The following PTPRJ variants were observed in gnomAD, a reference collection of about 807,000 sequenced individuals.
PTPRJ encodes the protein protein tyrosine phosphatase receptor type J.
In PTPRJ, 129 loss-of-function variants were observed where a neutral mutation model predicts 141.3. The ratio of observed to expected loss-of-function variants is 0.91; its 90% CI spans 0.79 to 1.06. The LOEUF is 1.06. PTPRJ is among the 50% of genes least tolerant of loss of function. PTPRJ has a pLI of 0.00. For synonymous variants in PTPRJ, 610 were observed against 640.5 expected (o/e 0.95, Z 0.72); for missense variants, 1,601 against 1,679.7 (o/e 0.95, Z 0.82).
At chr11:48,154,182 G>A (rs1857549395) in intron 19 of PTPRJ, among the ~76,000 whole-genome samples, 2 of 152,218 alleles carry the variant, frequency 1.3e-5, no homozygotes, top group African/African-American at 2.4e-5. Flanking sequence ...AGGTAGTGAC[G>A]GGAAAACTCG....
intron 14 of PTPRJ, among the ~76,000 whole-genome samples, chr11:48,146,239 C>T (rs1467733320): frequency 6.6e-6 from 1 of 152,142 alleles, no homozygotes; most frequent in Non-Finnish European, 1.5e-5. Context: ...GTCTTGGACC[C>T]TTGTTAAGTG....
At chr11:48,067,937 A>T (rs1477888365) in intron 1 of PTPRJ, among the ~76,000 whole-genome samples, 1 of 152,240 alleles carries the variant, frequency 6.6e-6, no homozygotes, top group Non-Finnish European at 1.5e-5. Flanking sequence ...CCCATGTCTC[A>T]ATAGGCCCCG....
At position 48,064,812 on chromosome 11, in the gene PTPRJ, G is replaced by T. The variant is rs895561894; in HGVS notation, c.97-45246G>T. 2.6e-5 allele frequency among the ~76,000 whole-genome samples: 4 copies of T among 151,822 alleles called. No individual in the cohort carries two copies. In the South Asian group the frequency reaches 6.2e-4, roughly 24 times the overall value. On this transcript the variant is annotated intron_variant, in intron 1 of 24. Transcript: ENST00000418331. ...ATTTTTGTATTTTTAGTAGAGACAG[G>T]GTTTTGCCATGTTGGTCAGGATGGT...
At chr11:48,030,927 A>G (rs558677910) in intron 1 of PTPRJ, among the ~76,000 whole-genome samples, 1 of 152,270 alleles carries the variant, frequency 6.6e-6, no homozygotes, top group East Asian at 1.9e-4. Context: ...TTAGTCCCAG[A>G]TACAATATGT....
At chr11:48,031,703 A>G (rs759590898) in intron 1 of PTPRJ, among the ~76,000 whole-genome samples, 4 of 152,196 alleles carry the variant, frequency 2.6e-5, no homozygotes, top group Non-Finnish European at 5.9e-5. Flanking sequence ...AGGATTGGCA[A>G]CATGCATCTA....
intron 1 of PTPRJ, among the ~76,000 whole-genome samples, chr11:47,998,522 C>T (rs545076895): frequency 6.6e-6 from 1 of 152,284 alleles, no homozygotes; most frequent in Admixed American, 6.5e-5. Context: ...ATGTGGCTCT[C>T]CTGTAATCTC....
intron 18 of PTPRJ, among the ~76,000 whole-genome samples, chr11:48,151,504 T>C (rs979415036): frequency 6.6e-6 from 1 of 151,296 alleles, no homozygotes; most frequent in Non-Finnish European, 1.5e-5. Flanking sequence ...GAGCACAACA[T>C]GCAGGTTTGT....
At chr11:48,023,862 C>T (rs966845532) in intron 1 of PTPRJ, among the ~76,000 whole-genome samples, 6 of 151,744 alleles carry the variant, frequency 4.0e-5, no homozygotes, top group African/African-American at 1.5e-4. Context: ...TCTTCAATTC[C>T]AGTTTTTATT....
intron 1 of PTPRJ, among the ~76,000 whole-genome samples, chr11:48,065,098 T>C (rs1293054433): frequency 7.2e-6 from 1 of 138,170 alleles, no homozygotes; most frequent in Non-Finnish European, 1.5e-5. Flanking sequence ...TACTGCAACC[T>C]CTTCTTCCCA....
At chr11:48,138,258 C>G (rs1332211938) in intron 10 of PTPRJ, among the ~76,000 whole-genome samples, 1 of 152,216 alleles carries the variant, frequency 6.6e-6, no homozygotes, top group Admixed American at 6.5e-5. Context: ...TCTGCTCCAT[C>G]CCACCTGGTC....
In PTPRJ at chr11:48,123,616, C is replaced by A; in HGVS notation, c.620C>A (p.Pro207Gln). The change falls in exon 5 of 25, where the codon CCG becomes CAG. Residue 207 changes from proline (P) to glutamine (Q), a missense_variant. By Grantham distance (76) the Pro-to-Gln change is moderately conservative. Transcript: ENST00000418331. ...GCATGTTGTATTTTTAAAATAGAGC[C>A]GATCCCAGTTTCTGATCTCCGTGTT... ...DPRVIKVITE[P>Q]IPVSDLRVAL... 2.5e-6 allele frequency: 4 copies of A among 1,612,040 alleles called. No homozygotes were observed. The highest frequency in any genetic ancestry group is 3.4e-6 in the Non-Finnish European group (4 of 1,179,146).
chr11:47,993,851 G>C (rs1446977021), intron 1 of PTPRJ, among the ~76,000 whole-genome samples: 6 of 148,204 alleles, frequency 4.0e-5, no homozygotes, highest in Non-Finnish European at 8.9e-5. Flanking sequence ...TTTTTTGAGA[G>C]GCAGTCTCGC....
intron 5 of PTPRJ, 60 bp downstream of exon 5, chr11:48,123,930 G>T: frequency 2.0e-6 from 3 of 1,510,314 alleles, no homozygotes; most frequent in Non-Finnish European, 2.7e-6. Context: ...GTAACTAAAT[G>T]TTCTAAAAAA....
At chr11:48,120,486 C>G (rs1021895116) in intron 3 of PTPRJ, among the ~76,000 whole-genome samples, 4 of 152,022 alleles carry the variant, frequency 2.6e-5, no homozygotes, top group Non-Finnish European at 5.9e-5. Context: ...AGTGCAGTGG[C>G]GCGATCTTGG....
chr11:48,113,227 T>C (rs550827938), intron 3 of PTPRJ, among the ~76,000 whole-genome samples: 183 of 152,344 alleles, frequency 1.2e-3, no homozygotes, highest in Admixed American at 3.0e-3. Context: ...TTAAGATATA[T>C]GCATGCCTGT....
In PTPRJ at chr11:48,130,410, C is replaced by G. The variant is rs200738897; in HGVS notation, c.1358-49C>G. The G allele has an allele frequency of 1.4e-4, 216 of 1,546,794 alleles. 1 individual carries two copies. The East Asian group carries it at 4.9e-3, about 35-fold the overall frequency. The stretch of plus-strand genomic sequence containing the variant: ...ATTTTCTGAGGTGGGGCATCCCTGT[C>G]TCCTGGAGAAGTATATTTTTAATCT... On this transcript the variant is annotated intron_variant, in intron 7 of 24. Transcript: ENST00000418331.
chr11:48,093,890 A>G lies in PTPRJ; in HGVS notation c.97-16168A>G, dbSNP rs1447397478. ...ACGATCCTCGATGAAGTGTTCTTTG[A>G]TTAAGTGTCAAGATGAGTGGTGCAG... is the stretch of plus-strand genomic sequence containing the variant. On this transcript the variant is annotated intron_variant, in intron 1 of 24. Coordinates refer to ENST00000418331, the MANE Select transcript of PTPRJ (RefSeq NM_002843.4). Among the ~76,000 whole-genome samples the G allele has an allele frequency of 2.6e-5, 4 of 152,028 alleles. No homozygotes were observed. In the East Asian group the frequency reaches 5.8e-4, roughly 22 times the overall value.
At chr11:48,090,407 C>T (rs1335484474) in intron 1 of PTPRJ, among the ~76,000 whole-genome samples, 1 of 152,192 alleles carries the variant, frequency 6.6e-6, no homozygotes, top group Non-Finnish European at 1.5e-5. Flanking sequence ...CTGACAGAGC[C>T]CGGTGGCTGG....
At chr11:47,981,092 G>C (rs1290696102) in intron 1 of PTPRJ, 84 bp downstream of exon 1, 2 of 1,162,526 alleles carry the variant, frequency 1.7e-6, no homozygotes, top group Non-Finnish European at 2.1e-6. Context: ...GTACCCCCCC[G>C]GGGGGTTCCG....
Sources: gnomAD v4.1 joint callset for allele counts (sites outside exome capture counted in the v4.1 genomes callset) on GRCh38, gnomAD v4.1.1 for gene constraint, MANE v1.5 for transcripts, NCBI Gene and HGNC (gene_info 2026-07-23, HGNC 2026-07-21) for gene names.